Variants in SV2C observed in about 807,000 individuals in gnomAD.
SV2C encodes the protein solute carrier family 22 member B3.
SV2C carries 49 observed loss-of-function variants against 79.7 expected under a neutral mutation model. The observed-to-expected ratio is 0.61, with a 90% confidence interval of 0.49 to 0.78. The LOEUF is 0.78. SV2C is among the 30% of genes least tolerant of loss of function. The pLI is 0.00. For missense variants in SV2C, 833 were observed against 912.9 expected, an observed-to-expected ratio of 0.91 and a Z score of 1.13; for synonymous variants, 334 against 333.2, an observed-to-expected ratio of 1.00 and a Z score of -0.03.
At position 76,173,867 on chromosome 5, in the gene SV2C, G is replaced by A. The variant is rs535939718; in HGVS notation, c.581-21052G>A. 6.4e-5 allele frequency: 102 copies of A among 1,597,630 alleles called. No individual in the cohort carries two copies. The South Asian group carries it at 9.1e-4, about 14-fold the overall frequency. ...AACAAGAATCATTGGAACATCATCA[G>A]TGTCTTTAACTCGAAGAATCTGTTC... On this transcript the variant is annotated intron_variant, in intron 2 of 12. Transcript: ENST00000502798.
At chr5:76,046,034 C>G in the SV2C span, among the ~76,000 whole-genome samples, 2 of 152,100 alleles carry the variant, frequency 1.3e-5, no homozygotes, top group Non-Finnish European at 2.9e-5. Context: ...GTAGAGCTTA[C>G]TATAGTGGGA....
At chr5:76,268,607 C>T (rs1024160073) in intron 4 of SV2C, among the ~76,000 whole-genome samples, 2 of 152,214 alleles carry the variant, frequency 1.3e-5, no homozygotes, top group East Asian at 3.8e-4. Flanking sequence ...TTTTATGAGA[C>T]AAGAACGCAA....
the SV2C span, among the ~76,000 whole-genome samples, chr5:75,854,776 T>C: frequency 1.3e-5 from 2 of 152,290 alleles, no homozygotes; most frequent in East Asian, 3.9e-4. Flanking sequence ...CTAAGAAGGC[T>C]GTGGTTACTC....
At chr5:76,045,018 A>G in the SV2C span, among the ~76,000 whole-genome samples, 2 of 152,232 alleles carry the variant, frequency 1.3e-5, no homozygotes, top group South Asian at 4.2e-4. Flanking sequence ...GGTATTGCCT[A>G]GATTTTTTTC....
chr5:76,006,170 A>G, the SV2C span, among the ~76,000 whole-genome samples: 1 of 152,072 alleles, frequency 6.6e-6, no homozygotes, highest in Non-Finnish European at 1.5e-5. Flanking sequence ...AAAGCTGAAC[A>G]TTTTGCCTTT....
chr5:76,269,248 C>A (rs1047090554), intron 4 of SV2C, among the ~76,000 whole-genome samples: 4 of 152,164 alleles, frequency 2.6e-5, no homozygotes, highest in Non-Finnish European at 4.4e-5. Flanking sequence ...TGTCTCCAGG[C>A]TTTACCAAAT....
At chr5:75,871,045 C>T in the SV2C span, among the ~76,000 whole-genome samples, 1 of 151,812 alleles carries the variant, frequency 6.6e-6, no homozygotes, top group Non-Finnish European at 1.5e-5. Flanking sequence ...GGACAATATG[C>T]CAAGATTAGA....
In SV2C at chr5:76,295,812, A is replaced by G; in HGVS notation, c.1372A>G (p.Ile458Val). 1 of 1,612,652 alleles carries G rather than the reference A, an allele frequency of 6.2e-7. No individual in the cohort carries two copies. Among genetic ancestry groups the G allele is most frequent in the African/African-American group, 1.3e-5 (1 of 74,928 alleles). ...YGLSVWFPDV[I>V]KPLQSDEYAL... Reference sequence around the variant, plus strand: ...ATTATCCGTTTGGTTCCCTGATGTCATTAAACCTCTGCAGTCCGATGAATA... The same window carrying G: ...ATTATCCGTTTGGTTCCCTGATGTCGTTAAACCTCTGCAGTCCGATGAATA... The change falls in exon 9 of 13, where the codon ATT becomes GTT. Residue 458 changes from isoleucine to valine, a missense_variant. Transcript: ENST00000502798.
intron 2 of SV2C, among the ~76,000 whole-genome samples, chr5:76,136,780 G>A (rs1749085441): frequency 6.6e-6 from 1 of 152,222 alleles, no homozygotes; most frequent in South Asian, 2.1e-4. Context: ...CAGATAAAAG[G>A]AAGGATGGCA....
At chr5:76,186,690 T>TCAAACAAACAAACAAA (rs58706451) in intron 2 of SV2C, among the ~76,000 whole-genome samples, 27 of 151,864 alleles carry the variant, frequency 1.8e-4, no homozygotes, top group Middle Eastern at 3.4e-3. Flanking sequence ...AGACCTTATC[T>TCAAACAAACAAACAAA]CAAACAAACA....
chr5:76,210,084 G>A (rs1301616341), intron 4 of SV2C, among the ~76,000 whole-genome samples, 197 bp downstream of exon 4: 2 of 152,164 alleles, frequency 1.3e-5, no homozygotes, highest in Non-Finnish European at 2.9e-5. Flanking sequence ...ATGCCCTTCT[G>A]GTTATATGAA....
chr5:76,241,814 A>G (rs1327624702), intron 4 of SV2C, among the ~76,000 whole-genome samples: 1 of 152,236 alleles, frequency 6.6e-6, no homozygotes, highest in Non-Finnish European at 1.5e-5. Context: ...TGTTTTCTCC[A>G]CATCAATCCA....
At chr5:76,199,678 A>C (rs1225068485) in intron 3 of SV2C, among the ~76,000 whole-genome samples, 4 of 152,274 alleles carry the variant, frequency 2.6e-5, no homozygotes. Context: ...GAGTTCAAGC[A>C]GCAACCAGCA....
the SV2C span, among the ~76,000 whole-genome samples, chr5:75,893,033 T>A: frequency 6.6e-6 from 1 of 152,118 alleles, no homozygotes; most frequent in East Asian, 1.9e-4. Context: ...TTATTTACAT[T>A]CCCACCAAAC....
chr5:76,253,812 G>T (rs1335642158), intron 4 of SV2C, among the ~76,000 whole-genome samples: 1 of 151,470 alleles, frequency 6.6e-6, no homozygotes, highest in Non-Finnish European at 1.5e-5. Flanking sequence ...AAATCTTTTA[G>T]CTTTACCTAC....
chr5:76,073,684 T>C, the SV2C span, among the ~76,000 whole-genome samples: 3 of 151,246 alleles, frequency 2.0e-5, no homozygotes, highest in African/African-American at 7.3e-5. Flanking sequence ...TACTCATAAG[T>C]GGAAGGTAAG....
At chr5:75,909,869 A>G in the SV2C span, among the ~76,000 whole-genome samples, 3 of 152,192 alleles carry the variant, frequency 2.0e-5, no homozygotes, top group African/African-American at 7.2e-5. Context: ...AAATTATACA[A>G]TCACCACTCA....
At chr5:76,008,063 C>T in the SV2C span, among the ~76,000 whole-genome samples, 1 of 152,180 alleles carries the variant, frequency 6.6e-6, no homozygotes, top group East Asian at 1.9e-4. Context: ...TAGATTCTTT[C>T]TAAGTTTCAG....
At chr5:76,343,013 C>T (rs1055917554) in intron 12 of SV2C, among the ~76,000 whole-genome samples, 3 of 151,972 alleles carry the variant, frequency 2.0e-5, no homozygotes, top group Non-Finnish European at 4.4e-5. Context: ...CGTGAGGCAC[C>T]GCACCTGGCC....
Sources: allele counts gnomAD v4.1 joint callset (sites outside exome capture counted in the v4.1 genomes callset), GRCh38; gene constraint gnomAD v4.1.1; transcripts MANE v1.5; gene names NCBI Gene and HGNC (gene_info 2026-07-23, HGNC 2026-07-21).